XBP1: variants seen among roughly 807,000 people sequenced by gnomAD.
XBP1 encodes X-box-binding protein 1.
In XBP1, 18 loss-of-function variants were observed where a neutral mutation model predicts 34.6. The ratio of observed to expected loss-of-function variants is 0.52; its 90% CI spans 0.36 to 0.77. XBP1 has a LOEUF of 0.77. XBP1 is among the 30% of genes least tolerant of loss of function. The pLI, the probability that XBP1 is intolerant of heterozygous loss-of-function variation, is 0.00. For missense variants in XBP1, 422 were observed against 464.6 expected, an observed-to-expected ratio of 0.91 and a Z score of 0.84; for synonymous variants, 191 against 193.4, an observed-to-expected ratio of 0.99 and a Z score of 0.11.
rs527564006 is a variant in XBP1 at position 28,797,159 on chromosome 22, T to C, written c.371A>G (p.His124Arg). Residue 124 changes from histidine to arginine, a missense_variant, in exon 3 of 6, where the codon CAT becomes CGT. Physicochemically the swap from His to Arg is conservative, Grantham distance 29. Around this residue, in one of 3 missense-constraint regions of XBP1, gnomAD observed 292 missense variants for 339.9 expected, o/e 0.86. Coordinates refer to ENST00000344347, the Ensembl canonical transcript of XBP1. Reference sequence around the variant, plus strand: ...CTCCTGGTTCTCAACTACAAGGCCATGAGTTTTCTCTCGTAAAAGCTGATT... The same window carrying C: ...CTCCTGGTTCTCAACTACAAGGCCACGAGTTTTCTCTCGTAAAAGCTGATT... The C allele has an allele frequency of 2.7e-5, 43 of 1,613,632 alleles. No individual in the cohort carries two copies. In the African/African-American group the frequency reaches 4.9e-4, roughly 19 times the overall value.
rs548102015 is a variant in XBP1 at position 28,800,338 on chromosome 22, G to T, written c.187C>A (p.Arg63Ser). 6 of 1,549,192 alleles carry T rather than the reference G, an allele frequency of 3.9e-6. No homozygotes were observed. In the African/African-American group the frequency reaches 7.1e-5, roughly 18 times the overall value. Residue 63 changes from arginine to serine, a missense_variant, in exon 1 of 6, where the codon CGC becomes AGC. This residue lies in a region of XBP1 where 121 missense variants were observed against 98.4 expected (regional missense o/e 1.23). Coordinates refer to ENST00000344347, the Ensembl canonical transcript of XBP1. ...TCCTCGGGGCTCAGGTGCGTGAGGC[G>T]CTGTCGCTTGCGCGCCTGGGGCAGC...
At chr22:28,797,612 C>T (rs1289231095) in intron 2 of XBP1, among the ~76,000 whole-genome samples, 1 of 152,018 alleles carries the variant, frequency 6.6e-6, no homozygotes, top group Non-Finnish European at 1.5e-5. Flanking sequence ...AAACCCCCAT[C>T]TCTACTAAAA....
At chr22:28,795,013 A>G (rs541272171), downstream of XBP1, 517 of 574,424 alleles carry the variant, frequency 9.0e-4, 2 homozygotes, top group South Asian at 1.7e-3. Context: ...ATGTCAAAAG[A>G]CAATACCTGG....
intron 1 of XBP1, 29 bp downstream of exon 1, chr22:28,800,269 C>G: frequency 6.5e-7 from 1 of 1,548,218 alleles, no homozygotes; most frequent in Non-Finnish European, 8.7e-7. Flanking sequence ...GGCTTCAGAT[C>G]TGGCCCCAGA....
intron 2 of XBP1, among the ~76,000 whole-genome samples, chr22:28,797,788 AATG>A (rs1162893386): frequency 3.3e-5 from 5 of 150,528 alleles, no homozygotes; most frequent in Admixed American, 6.6e-5. Flanking sequence ...ATCTCAAAAT[AATG>A]ATGATGATAA....
chr22:28,796,017 A>T, intron 5 of XBP1, 30 bp downstream of exon 5: 1 of 1,613,308 alleles, frequency 6.2e-7, no homozygotes. Context: ...CTGGTTATAT[A>T]GCTCTTTAAT....
rs71316865 is a variant in XBP1 at position 28,798,302 on chromosome 22, C to CTTTTTTTTTTTTTTTT, written c.324+754_324+755insAAAAAAAAAAAAAAAA. Reference sequence around the variant, plus strand: ...AACTCTCTGTCCTAACTTAGATTAACTTTTTTTTTTTTTTTGAGACAGGGT... The same window carrying CTTTTTTTTTTTTTTTT: ...AACTCTCTGTCCTAACTTAGATTAACTTTTTTTTTTTTTTTTTTTTTTTTTTTTTTTGAGACAGGGT... On this transcript the variant is annotated intron_variant, in intron 2 of 5. Transcript: ENST00000344347. 1.1e-3 allele frequency among the ~76,000 whole-genome samples: 141 copies of CTTTTTTTTTTTTTTTT among 123,320 alleles called. 3 individuals carry two copies. The highest frequency in any genetic ancestry group is 2.6e-3 in the East Asian group (9 of 3,412). 80.9% of individuals were successfully genotyped at this position (123,320 alleles called of 152,430 possible). A position where few individuals can be genotyped will look rare whatever the true frequency, so the allele number is the denominator to read the frequency against.
chr22:28,796,160 A>T, exon 4 of XBP1: 2 of 1,597,884 alleles, frequency 1.3e-6, no homozygotes, highest in Non-Finnish European at 1.7e-6. Context: ...CTGCGGACTC[A>T]GCAGACCCGG....
At chr22:28,800,446 C>A in exon 1 of XBP1, 1 of 1,472,030 alleles carries the variant, frequency 6.8e-7, no homozygotes, top group African/African-American at 1.5e-5. Context: ...GCTCCGGCGG[C>A]GGAGGCGGGC....
At chr22:28,800,490 T>C in exon 1 of XBP1, 1 of 1,484,808 alleles carries the variant, frequency 6.7e-7, no homozygotes, top group Non-Finnish European at 8.9e-7. Context: ...AGGGGTCCCG[T>C]CGGCCGGGTT....
At chr22:28,799,081 C>A in exon 2 of XBP1, 4 of 1,614,164 alleles carry the variant, frequency 2.5e-6, no homozygotes, top group Non-Finnish European at 3.4e-6. Flanking sequence ...CTACCACTTG[C>A]TGTTCCAGCT....
At chr22:28,800,502 G>C in exon 1 of XBP1, 2 of 1,487,916 alleles carry the variant, frequency 1.3e-6, no homozygotes, top group Non-Finnish European at 1.8e-6. Context: ...GGCCGGGTTC[G>C]GCGCGGCTGC....
rs369953632 is a variant in XBP1, at chr22:28,799,025, G to A, written c.324+32C>T. 1.1e-5 allele frequency: 17 copies of A among 1,561,384 alleles called. No individual in the cohort carries two copies. In the African/African-American group the frequency reaches 2.3e-4, roughly 21 times the overall value. On this transcript the variant is annotated intron_variant, in intron 2 of 5. Coordinates refer to ENST00000344347, the Ensembl canonical transcript of XBP1. Reference sequence around the variant, plus strand: ...CATTCACCAAGGAAGGGTATACAATGGATAAAAGAGTTTGACCTTAAGTAG... The same window carrying A: ...CATTCACCAAGGAAGGGTATACAATAGATAAAAGAGTTTGACCTTAAGTAG...
intron 1 of XBP1, chr22:28,799,957 G>A (rs753880323): frequency 7.7e-6 from 6 of 779,126 alleles, no homozygotes; most frequent in Admixed American, 5.1e-5. Flanking sequence ...CAGATTATTC[G>A]ACCTCATGTC....
At chr22:28,799,138 T>C (rs1293353407) in exon 2 of XBP1, 1 of 1,614,028 alleles carries the variant, frequency 6.2e-7, no homozygotes, top group Admixed American at 1.7e-5. Flanking sequence ...GAGCTGCTAC[T>C]CTGTTTTTCA....
exon 3 of XBP1, chr22:28,797,137 C>T (rs1311580701): frequency 8.7e-6 from 14 of 1,613,414 alleles, no homozygotes; most frequent in Admixed American, 1.7e-5. Context: ...GTCTTAACTC[C>T]TGGTTCTCAA....
downstream of XBP1, chr22:28,794,716 G>A (rs1351321414): frequency 6.5e-6 from 1 of 153,198 alleles, no homozygotes; most frequent in African/African-American, 2.4e-5. Flanking sequence ...TATACATGAG[G>A]GAAAGAGCCC....
intron 1 of XBP1, chr22:28,799,979 G>A: frequency 3.8e-6 from 3 of 779,486 alleles, no homozygotes; most frequent in Admixed American, 1.7e-5. Flanking sequence ...GAGTTAAGAG[G>A]CTGAACCACC....
At chr22:28,799,964 T>C (rs755507596) in intron 1 of XBP1, 2 of 779,366 alleles carry the variant, frequency 2.6e-6, no homozygotes, top group Non-Finnish European at 4.8e-6. Flanking sequence ...TTCGACCTCA[T>C]GTCCGAGTTA....
Sources: gnomAD v4.1 joint callset for allele counts (sites outside exome capture counted in the v4.1 genomes callset) on GRCh38, gnomAD v4.1.1 for gene constraint, gnomAD v4.1.1 regional missense constraint, MANE v1.5 for transcripts, NCBI Gene and HGNC (gene_info 2026-07-23, HGNC 2026-07-21) for gene names.